Variants in MORC3 observed in about 807,000 individuals in gnomAD.
The protein encoded by MORC3 is MORC family CW-type zinc finger 3.
In MORC3, 31 loss-of-function variants were observed where a neutral mutation model predicts 109.1. The ratio of observed to expected loss-of-function variants is 0.28; its 90% CI spans 0.21 to 0.38. The LOEUF (loss-of-function observed/expected upper bound fraction) is 0.38, where lower values mean the gene tolerates loss of function less well. MORC3 is among the 10% of genes least tolerant of loss of function. The pLI is 1.00. For missense variants in MORC3, 867 were observed against 1,135.8 expected (o/e 0.76, Z 3.40); for synonymous variants, 395 against 380.7 (o/e 1.04, Z -0.44).
rs372670106 is a variant in MORC3 at position 36,326,847 on chromosome 21, G to A, written c.39+6544G>A. Among the ~76,000 whole-genome samples the A allele has an allele frequency of 8.7e-5, 13 of 149,682 alleles. No individual in the cohort carries two copies. In the East Asian group the frequency reaches 1.8e-3, roughly 20 times the overall value. ...TTTTTTTTTTTTGAGACCGAGTCTCGCTCTGTCGCCTAGGCTGGAGTGCAT... is the reference window on the plus strand; with the variant it reads ...TTTTTTTTTTTTGAGACCGAGTCTCACTCTGTCGCCTAGGCTGGAGTGCAT... On this transcript the variant is annotated intron_variant, in intron 1 of 16. Coordinates refer to ENST00000400485, the MANE Select transcript of MORC3 (RefSeq NM_015358.3).
At chr21:36,338,043 A>G in intron 4 of MORC3, 97 bp downstream of exon 4, 1 of 1,212,266 alleles carries the variant, frequency 8.2e-7, no homozygotes. Context: ...ATTCCCTTTG[A>G]ATAACACCTA....
intron 9 of MORC3, 52 bp from the exon 10 acceptor site, chr21:36,356,568 T>C: frequency 8.3e-7 from 1 of 1,205,942 alleles, no homozygotes; most frequent in Non-Finnish European, 1.2e-6. Context: ...AGATTATTTA[T>C]GATTTATGTT....
rs879487920 is a variant in MORC3, at chr21:36,320,314, G to A, written c.39+11G>A. 17 of 1,528,472 alleles carry A rather than the reference G, an allele frequency of 1.1e-5. No individual in the cohort carries two copies. Among genetic ancestry groups the A allele is most frequent in the Admixed American group, 2.0e-5 (1 of 49,186 alleles). The allele number at this position is 1,528,472 out of a possible 1,614,324, so 94.7% of individuals were successfully genotyped here. On this transcript the variant is annotated intron_variant, in intron 1 of 16. Transcript: ENST00000400485. Reference sequence around the variant, plus strand: ...ATACGCCTCAGCGCGGTGAGCAGCCGCGAGGGGTGGAGCGGGCCGTGTCCC... The same window carrying A: ...ATACGCCTCAGCGCGGTGAGCAGCCACGAGGGGTGGAGCGGGCCGTGTCCC...
intron 8 of MORC3, chr21:36,348,185 A>G (rs2085532447): frequency 6.6e-6 from 1 of 152,246 alleles, no homozygotes; most frequent in African/African-American, 2.4e-5. Context: ...CATTTTAGCT[A>G]GCAGATTTAA....
Position 36,320,203 on chromosome 21 carries a change from G to A in MORC3, c.-62G>A. On this transcript the variant is annotated 5_prime_UTR_variant, in exon 1 of 17. Transcript: ENST00000400485. ...GCGGTACCCATAGGGCTCCACAGTC[G>A]TTCCGCCACCTCCCAGTCGGGTTGC... 6 of 1,552,166 alleles carry A rather than the reference G, an allele frequency of 3.9e-6. No individual in the cohort carries two copies. The East Asian group carries it at 9.8e-5, about 25-fold the overall frequency.
chr21:36,339,736 A>T (rs1206054226), intron 5 of MORC3, among the ~76,000 whole-genome samples: 1 of 152,212 alleles, frequency 6.6e-6, no homozygotes, highest in African/African-American at 2.4e-5. Context: ...TAATACTGAA[A>T]GATCTAAGAC....
chr21:36,362,119 G>A, intron 12 of MORC3, 64 bp from the exon 13 acceptor site: 2 of 1,504,512 alleles, frequency 1.3e-6, no homozygotes, highest in Non-Finnish European at 1.8e-6. Flanking sequence ...TGCATAAATG[G>A]CAGGTATGTC....
At chr21:36,362,259 TTAAA>T in intron 13 of MORC3, 31 bp downstream of exon 13, 1 of 1,542,086 alleles carries the variant, frequency 6.5e-7, no homozygotes, top group Non-Finnish European at 8.8e-7. Context: ...TTTTTTTTTT[TTAAA>T]TAGAGATGGG....
Position 36,369,857 on chromosome 21 carries a change from G to A in MORC3, c.2489G>A (p.Arg830Lys), listed in dbSNP as rs779622638. The change falls in exon 15 of 17, where the codon AGG becomes AAG. Residue 830 changes from arginine (R) to lysine (K), a missense_variant. Around this residue, in one of 7 missense-constraint regions of MORC3, gnomAD observed 486 missense variants for 502.1 expected, o/e 0.97. Coordinates refer to ENST00000400485, the MANE Select transcript of MORC3 (RefSeq NM_015358.3). The part of the protein sequence containing the change: ...FRQLDKCSIE[R>K]DQYKSEVELL... ...CAACTGGACAAATGCAGTATTGAGAGGGACCAGTATAAAAGTGAGGTGAGT... is the reference window on the plus strand; with the variant it reads ...CAACTGGACAAATGCAGTATTGAGAAGGACCAGTATAAAAGTGAGGTGAGT... 1.9e-6 allele frequency: 3 copies of A among 1,612,364 alleles called. No homozygotes were observed. Among genetic ancestry groups the A allele is most frequent in the Non-Finnish European group, 2.5e-6 (3 of 1,180,016 alleles).
At chr21:36,338,008 C>T (rs139641289) in intron 4 of MORC3, 62 bp downstream of exon 4, 4 of 1,548,266 alleles carry the variant, frequency 2.6e-6, no homozygotes, top group Admixed American at 1.8e-5. Flanking sequence ...TGGAAACATT[C>T]TATGTTTTTG....
At chr21:36,338,416 G>A (rs1193658024) in intron 4 of MORC3, among the ~76,000 whole-genome samples, 2 of 151,796 alleles carry the variant, frequency 1.3e-5, no homozygotes, top group South Asian at 2.1e-4. Flanking sequence ...GGCTGAGCTC[G>A]GTGGCTGATC....
At chr21:36,333,829 C>T in intron 2 of MORC3, 111 bp downstream of exon 2, 1 of 888,046 alleles carries the variant, frequency 1.1e-6, no homozygotes, top group Non-Finnish European at 1.7e-6. Context: ...GTCGCCCAGG[C>T]TGGAGTGCAG....
chr21:36,340,570 T>C (rs1569094576), intron 5 of MORC3, among the ~76,000 whole-genome samples: 1 of 152,026 alleles, frequency 6.6e-6, no homozygotes. Flanking sequence ...TTCCAGGTTC[T>C]TGTATGTATA....
In MORC3 at chr21:36,336,541, G is replaced by GTGTGGTCC. The variant is rs1199666028; in HGVS notation, c.113-333_113-332insTGTGGTCC. Among the ~76,000 whole-genome samples the GTGTGGTCC allele has an allele frequency of 6.6e-5, 10 of 152,244 alleles. No homozygotes were observed. In the East Asian group the frequency reaches 1.5e-3, roughly 23 times the overall value. On this transcript the variant is annotated intron_variant, in intron 2 of 16. Coordinates refer to ENST00000400485, the MANE Select transcript of MORC3 (RefSeq NM_015358.3). ...TTACAGGCGTGAGCCACCACATGCA[G>GTGTGGTCC]ACTTAGTCCATCTTTTAATCATCTC...
Position 36,339,058 on chromosome 21 carries a change from CT to C in MORC3, c.608+140del, listed in dbSNP as rs1468709634. On this transcript the variant is annotated intron_variant, in intron 5 of 16. Coordinates refer to ENST00000400485, the MANE Select transcript of MORC3 (RefSeq NM_015358.3). ...TTTTTTGGTGTAGTTACTGATTTGT[CT>C]TTGCCCAGGATATGTTATAGAGGCC... 6 of 1,032,194 alleles carry C rather than the reference CT, an allele frequency of 5.8e-6. No homozygotes were observed. The African/African-American group carries it at 9.6e-5, about 17-fold the overall frequency. The allele number at this position is 1,032,194 out of a possible 1,614,324, so 63.9% of individuals were successfully genotyped here. A position where few individuals can be genotyped will look rare whatever the true frequency, so the allele number is the denominator to read the frequency against.
At chr21:36,345,585 C>G (rs1034833828) in intron 8 of MORC3, among the ~76,000 whole-genome samples, 1 of 151,902 alleles carries the variant, frequency 6.6e-6, no homozygotes, top group East Asian at 1.9e-4. Context: ...CCACGCCTGG[C>G]TAATTTTTGT....
intron 6 of MORC3, among the ~76,000 whole-genome samples, chr21:36,343,647 C>G (rs967482877): frequency 6.6e-6 from 1 of 151,630 alleles, no homozygotes; most frequent in African/African-American, 2.4e-5. Flanking sequence ...CAGGGTTTCA[C>G]TATGTTAGCC....
chr21:36,322,438 C>G (rs907971745), intron 1 of MORC3, among the ~76,000 whole-genome samples: 1 of 152,174 alleles, frequency 6.6e-6, no homozygotes, highest in African/African-American at 2.4e-5. Flanking sequence ...GTGGCACGAT[C>G]TCGGCTCACT....
intron 6 of MORC3, 146 bp from the exon 7 acceptor site, chr21:36,344,433 A>G: frequency 2.1e-6 from 2 of 957,862 alleles, no homozygotes; most frequent in South Asian, 4.1e-5. Flanking sequence ...TAACCAAATC[A>G]GAATAACATA....
Sources: gnomAD v4.1 joint callset for allele counts (sites outside exome capture counted in the v4.1 genomes callset) on GRCh38, gnomAD v4.1.1 for gene constraint, gnomAD v4.1.1 regional missense constraint, MANE v1.5 for transcripts, NCBI Gene and HGNC (gene_info 2026-07-23, HGNC 2026-07-21) for gene names.